MLLT3: variants seen among roughly 807,000 people sequenced by gnomAD.
MLLT3 encodes MLLT3 super elongation complex subunit, also known as protein AF-9.
Under a neutral mutation model 53.2 loss-of-function variants are expected in MLLT3, and 4 were observed. The observed-to-expected ratio is 0.08, with a 90% CI of 0.04 to 0.17. The LOEUF is 0.17. MLLT3 is among the 10% of genes least tolerant of loss of function. The pLI is 1.00. For missense variants in MLLT3, 569 were observed against 684.0 expected (o/e 0.83, Z 1.87); for synonymous variants, 283 against 230.6 (o/e 1.23, Z -2.06).
chr9:20,556,089 C>T (rs914841631), intron 2 of MLLT3, among the ~76,000 whole-genome samples: 17 of 152,156 alleles, frequency 1.1e-4, no homozygotes, highest in Admixed American at 1.0e-3. Flanking sequence ...AATCTTTTCT[C>T]ATCTAGTAAT....
intron 2 of MLLT3, among the ~76,000 whole-genome samples, chr9:20,556,326 A>AT (rs1819056824): frequency 6.6e-6 from 1 of 152,208 alleles, no homozygotes. Context: ...TTTTTATTAC[A>AT]TAAGTATGAC....
intron 2 of MLLT3, among the ~76,000 whole-genome samples, chr9:20,608,142 G>A (rs1245812430): frequency 6.6e-6 from 1 of 151,772 alleles, no homozygotes; most frequent in Admixed American, 6.6e-5. Flanking sequence ...AAAAGTTCAT[G>A]TTTAACTTCC....
chr9:20,440,822 T>C (rs1823528822), intron 4 of MLLT3, among the ~76,000 whole-genome samples: 1 of 152,206 alleles, frequency 6.6e-6, no homozygotes, highest in Non-Finnish European at 1.5e-5. Flanking sequence ...TTTCTGTTCA[T>C]TTCTTATTTT....
intron 10 of MLLT3, among the ~76,000 whole-genome samples, chr9:20,352,854 T>C (rs1002516975): frequency 2.0e-5 from 3 of 151,472 alleles, no homozygotes; most frequent in Non-Finnish European, 4.4e-5. Flanking sequence ...AGAACACACA[T>C]TCTTCTCTTT....
chr9:20,592,356 T>C (rs1820150425), intron 2 of MLLT3, among the ~76,000 whole-genome samples: 1 of 152,250 alleles, frequency 6.6e-6, no homozygotes, highest in South Asian at 2.1e-4. Context: ...TTTACAGCTC[T>C]GGAGGCTCTA....
intron 2 of MLLT3, among the ~76,000 whole-genome samples, chr9:20,556,929 T>C (rs1819073843): frequency 6.6e-6 from 1 of 152,172 alleles, no homozygotes; most frequent in Admixed American, 6.5e-5. Context: ...ACCTAAGTTA[T>C]AATGACAACG....
At chr9:20,579,671 G>A (rs1300488686) in intron 2 of MLLT3, among the ~76,000 whole-genome samples, 2 of 152,172 alleles carry the variant, frequency 1.3e-5, no homozygotes, top group Non-Finnish European at 2.9e-5. Context: ...ATGGTATGAG[G>A]AAATGTGGAC....
chr9:20,560,074 G>A lies in MLLT3; in HGVS notation c.193+60580C>T, dbSNP rs148665555. ...TACTTTTCAAGCAGTCTCAGGTGTT[G>A]TTTTCTGTACCAACAAAAATGAAAC... On this transcript the variant is annotated intron_variant, in intron 2 of 10. Transcript: ENST00000380338. Among the ~76,000 whole-genome samples, 3 of 152,172 alleles carry A rather than the reference G, an allele frequency of 2.0e-5. No individual in the cohort carries two copies. The East Asian group carries it at 5.8e-4, about 29-fold the overall frequency.
chr9:20,518,155 G>A (rs1817963029), intron 2 of MLLT3, among the ~76,000 whole-genome samples: 1 of 152,132 alleles, frequency 6.6e-6, no homozygotes, highest in Non-Finnish European at 1.5e-5. Context: ...CAACCAGCCT[G>A]GCCAACATGG....
intron 4 of MLLT3, among the ~76,000 whole-genome samples, chr9:20,434,245 G>C (rs566339219): frequency 1.2e-4 from 18 of 152,172 alleles, no homozygotes; most frequent in Non-Finnish European, 2.2e-4. Context: ...TGGTTGTACT[G>C]TAGTTATATA....
In MLLT3 at chr9:20,360,756, T is replaced by A. The variant is rs749879055; in HGVS notation, c.1417A>T (p.Thr473Ser). ...CCACAATTTACCTGGTTGTTGTTGG[T>A]TTTTAGTAAGGGTGGTGGAGGTTCG... ...HHEPPPPLLK[T>S]NNNQILEVKS... is the part of the protein sequence containing the mutation. Residue 473 changes from threonine (T) to serine (S), a missense_variant, in exon 8 of 11, where the codon ACC (threonine) becomes TCC (serine). Coordinates refer to ENST00000380338, the MANE Select transcript of MLLT3 (RefSeq NM_004529.4). 6.2e-7 allele frequency: 1 copy of A among 1,613,866 alleles called. No individual in the cohort carries two copies. Among genetic ancestry groups the A allele is most frequent in the Non-Finnish European group, 8.5e-7 (1 of 1,179,772 alleles).
At chr9:20,356,742 GC>G (rs1398703934) in intron 8 of MLLT3, among the ~76,000 whole-genome samples, 5 of 152,116 alleles carry the variant, frequency 3.3e-5, no homozygotes, top group Admixed American at 3.3e-4. Context: ...AGAGAGTTCT[GC>G]CACCTTTTCT....
At chr9:20,484,340 C>G (rs186029765) in intron 2 of MLLT3, among the ~76,000 whole-genome samples, 16 of 152,216 alleles carry the variant, frequency 1.1e-4, no homozygotes, top group Admixed American at 4.6e-4. Context: ...CCAGCTTATT[C>G]TTTTAACTTT....
At chr9:20,596,074 A>T (rs950152550) in intron 2 of MLLT3, among the ~76,000 whole-genome samples, 10 of 152,246 alleles carry the variant, frequency 6.6e-5, no homozygotes, top group Admixed American at 6.5e-4. Flanking sequence ...CAATATAAAA[A>T]GTCACAAGCT....
intron 5 of MLLT3, among the ~76,000 whole-genome samples, chr9:20,413,269 C>T (rs1822778400): frequency 6.6e-6 from 1 of 152,168 alleles, no homozygotes; most frequent in Non-Finnish European, 1.5e-5. Context: ...AGCCTTCTAT[C>T]AACATAAACA....
chr9:20,444,240 A>C (rs1823632201), intron 4 of MLLT3, among the ~76,000 whole-genome samples: 1 of 152,204 alleles, frequency 6.6e-6, no homozygotes, highest in African/African-American at 2.4e-5. Context: ...GCACAATTTG[A>C]GAATCACTGA....
At chr9:20,463,663 T>C (rs1423929759) in intron 2 of MLLT3, among the ~76,000 whole-genome samples, 1 of 152,148 alleles carries the variant, frequency 6.6e-6, no homozygotes, top group Non-Finnish European at 1.5e-5. Flanking sequence ...GACACAGATG[T>C]CCAGGCTAAT....
chr9:20,459,679 C>T (rs775196475), intron 2 of MLLT3, among the ~76,000 whole-genome samples: 6 of 152,186 alleles, frequency 3.9e-5, no homozygotes, highest in Non-Finnish European at 7.3e-5. Flanking sequence ...TTAACAGAAA[C>T]AGCTGTTAAT....
intron 3 of MLLT3, among the ~76,000 whole-genome samples, chr9:20,449,001 A>G (rs978131102): frequency 6.6e-6 from 1 of 151,924 alleles, no homozygotes; most frequent in African/African-American, 2.4e-5. Flanking sequence ...TTGCATTACT[A>G]CCTTCACTGC....
Sources: allele counts gnomAD v4.1 joint callset (sites outside exome capture counted in the v4.1 genomes callset), GRCh38; gene constraint gnomAD v4.1.1; transcripts MANE v1.5; gene names NCBI Gene and HGNC (gene_info 2026-07-23, HGNC 2026-07-21).